The following COPZ2 variants were observed in gnomAD, a reference collection of about 807,000 sequenced individuals.
COPZ2 encodes the protein coatomer subunit zeta-2.
A neutral mutation model predicts 33.2 loss-of-function variants in COPZ2; 30 were observed. That is an observed-to-expected ratio of 0.90 (90% CI 0.68 to 1.23). The LOEUF is 1.23. Ranked by LOEUF, COPZ2 falls within the 50% of genes most tolerant of loss-of-function variation. The pLI is 0.00. For missense variants in COPZ2, 263 were observed against 262.4 expected (o/e 1.00, Z -0.02); for synonymous variants, 89 against 102.6 (o/e 0.87, Z 0.80).
chr17:48,029,173 C>T lies in COPZ2; in HGVS notation c.498G>A (p.Val166=), dbSNP rs769503906. ...LVLDEIVDGG[V]ILESDPQQVI... ...CTTGCTGGGGGTCACTCTCCAGAAT[C>T]ACACTACAAGATGAGAGGAAAAACC... Residue 166 remains valine (V), a synonymous_variant, in exon 7 of 9, where the codon GTG becomes GTA. Transcript: ENST00000621465. The T allele has an allele frequency of 6.9e-5, 108 of 1,574,314 alleles. No homozygotes were observed. The highest frequency in any genetic ancestry group is 3.5e-4 in the Admixed American group (19 of 53,980).
At chr17:48,047,616 AC>A in the COPZ2 span, 5 of 148,170 alleles carry the variant, frequency 3.4e-5, no homozygotes, top group African/African-American at 9.9e-5. Flanking sequence ...AATCGCCATT[AC>A]CCCACACCTC....
upstream of COPZ2, among the ~76,000 whole-genome samples, chr17:48,039,673 T>A (rs1231414779): frequency 6.6e-6 from 1 of 152,054 alleles, no homozygotes; most frequent in African/African-American, 2.4e-5. Flanking sequence ...ACTAGTTTGT[T>A]TATAAGTGTT....
At chr17:48,033,169 C>T (rs968286923) in intron 4 of COPZ2, 42 bp downstream of exon 4, 2 of 1,330,732 alleles carry the variant, frequency 1.5e-6, no homozygotes, top group African/African-American at 2.9e-5. Context: ...AACATTTCCC[C>T]ATAGACAGAC....
At chr17:48,029,925 G>C (rs997079457) in intron 6 of COPZ2, among the ~76,000 whole-genome samples, 1 of 150,952 alleles carries the variant, frequency 6.6e-6, no homozygotes, top group Non-Finnish European at 1.5e-5. Context: ...CCAAGATTGC[G>C]CCACTGCACT....
chr17:48,038,876 C>G (rs1028793307), upstream of COPZ2, among the ~76,000 whole-genome samples: 1 of 152,252 alleles, frequency 6.6e-6, no homozygotes, highest in Non-Finnish European at 1.5e-5. Context: ...GTCCTCCTGA[C>G]AGCCACCATA....
At chr17:48,047,049 T>C in the COPZ2 span, 1 of 152,212 alleles carries the variant, frequency 6.6e-6, no homozygotes, top group South Asian at 2.1e-4. Flanking sequence ...AAGAATTCCA[T>C]GAGTGGTTTG....
chr17:48,036,940 G>A lies in COPZ2; in HGVS notation c.112-15C>T. On this transcript the variant is annotated splice_polypyrimidine_tract_variant and intron_variant, in intron 1 of 8. Transcript: ENST00000621465. ...GGTTCCTGCAACTGACACCGGAGAG[G>A]AGAGTTCCGTTTGGCCCCTGACTCG... 1 of 1,612,338 alleles carries A rather than the reference G, an allele frequency of 6.2e-7. No homozygotes were observed.
Position 48,037,167 on chromosome 17 carries a change from T to G in COPZ2, c.112-242A>C. 1 of 745,784 alleles carries G rather than the reference T, an allele frequency of 1.3e-6. No individual in the cohort carries two copies. The allele number at this position is 745,784 out of a possible 1,614,324, so 46.2% of individuals were successfully genotyped here. On this transcript the variant is annotated intron_variant, in intron 1 of 8. Transcript: ENST00000621465. This position sits in a 1 kb window ranked among gnomAD's most constrained non-coding sequence, Gnocchi z 5.6. ...GTGCCCGTTGGGTGCAGAAGGTCCT[T>G]CCGGGCCCAAGTTCTGTCATGCACT... is the stretch of plus-strand genomic sequence containing the variant.
At chr17:48,039,460 GA>G (rs982203180), upstream of COPZ2, among the ~76,000 whole-genome samples, 2 of 142,960 alleles carry the variant, frequency 1.4e-5, no homozygotes, top group African/African-American at 5.4e-5. Flanking sequence ...ATGGGAGTGA[GA>G]ATCTGTTTCA....
chr17:48,036,099 C>T (rs1291477686), intron 2 of COPZ2, among the ~76,000 whole-genome samples: 12 of 152,176 alleles, frequency 7.9e-5, no homozygotes, highest in African/African-American at 2.9e-4. Context: ...AGCTCCCCTA[C>T]AATTAATTGT....
intron 6 of COPZ2, 47 bp downstream of exon 6, chr17:48,032,109 A>G: frequency 1.3e-6 from 2 of 1,518,276 alleles, no homozygotes; most frequent in Non-Finnish European, 1.8e-6. Context: ...GCTGATGATT[A>G]TCAAAGGCAC....
chr17:48,044,344 CA>C, the COPZ2 span, among the ~76,000 whole-genome samples: 8 of 132,274 alleles, frequency 6.0e-5, no homozygotes, highest in Admixed American at 8.0e-5. Flanking sequence ...GACTCCATCT[CA>C]AAAAAAAAAG....
chr17:48,044,468 C>T, the COPZ2 span, among the ~76,000 whole-genome samples: 10 of 130,566 alleles, frequency 7.7e-5, no homozygotes, highest in South Asian at 2.5e-3. Flanking sequence ...TGATTCTCTA[C>T]TCTGGCTGTG....
At chr17:48,031,996 G>T in intron 6 of COPZ2, 160 bp downstream of exon 6, 1 of 640,570 alleles carries the variant, frequency 1.6e-6, no homozygotes, top group East Asian at 2.7e-5. Flanking sequence ...TGAGTGGGGC[G>T]CTAGTAAGGG....
chr17:48,037,334 C>T lies in COPZ2; in HGVS notation c.111+333G>A. The T allele has an allele frequency of 5.0e-6, 2 of 401,566 alleles. No individual in the cohort carries two copies. Among genetic ancestry groups the T allele is most frequent in the African/African-American group, 4.2e-5 (2 of 47,690 alleles). 24.9% of individuals were successfully genotyped at this position (401,566 alleles called of 1,614,324 possible). On this transcript the variant is annotated intron_variant, in intron 1 of 8. Coordinates refer to ENST00000621465, the MANE Select transcript of COPZ2 (RefSeq NM_016429.4). This position sits in a 1 kb window ranked among gnomAD's most constrained non-coding sequence, Gnocchi z 5.6. ...GCCCCCAGGCCCTGGCCCGGGTAGA[C>T]TCCAGAAGCATGCCCATCACCCACC...
intron 3 of COPZ2, 140 bp from the exon 4 acceptor site, chr17:48,033,442 A>G: frequency 3.1e-6 from 2 of 643,000 alleles, no homozygotes; most frequent in South Asian, 3.5e-5. Flanking sequence ...CACTAGGGAC[A>G]CTACCATCAG....
the COPZ2 span, chr17:48,043,629 A>G: frequency 3.3e-6 from 3 of 911,246 alleles, no homozygotes; most frequent in Non-Finnish European, 3.9e-6. Context: ...TCTCTGAGAT[A>G]AAGTTGTAGG....
upstream of COPZ2, among the ~76,000 whole-genome samples, chr17:48,038,466 A>T (rs2037026434): frequency 6.6e-6 from 1 of 152,130 alleles, no homozygotes; most frequent in African/African-American, 2.4e-5. Flanking sequence ...ACAAGCTCTC[A>T]TTTCAGGGTA....
intron 6 of COPZ2, among the ~76,000 whole-genome samples, chr17:48,030,023 C>T (rs149172670): frequency 0.011 from 1,602 of 150,888 alleles, 12 homozygotes; most frequent in Middle Eastern, 0.027. Context: ...CAGTGGCTCA[C>T]GCCTGCAATC....
Sources: gnomAD v4.1 joint callset for allele counts (sites outside exome capture counted in the v4.1 genomes callset) on GRCh38, gnomAD v4.1.1 for gene constraint, Gnocchi (gnomAD v3.1) non-coding constraint, MANE v1.5 for transcripts, NCBI Gene and HGNC (gene_info 2026-07-23, HGNC 2026-07-21) for gene names.